The following PCDHA9 variants were observed in gnomAD, a reference collection of about 807,000 sequenced individuals.
PCDHA9 encodes the protein protocadherin alpha-9.
Under a neutral mutation model 62.0 loss-of-function variants are expected in PCDHA9, and 62 were observed. The observed-to-expected ratio is 1.00, with a 90% CI of 0.81 to 1.23. The LOEUF (loss-of-function observed/expected upper bound fraction) is 1.23, where lower values mean the gene tolerates loss of function less well. Ranked by LOEUF, PCDHA9 falls within the 50% of genes most tolerant of loss-of-function variation. The probability of loss-of-function intolerance (pLI) is 0.00; values close to 1 mark genes in which losing one functional copy is unlikely to be tolerated. For synonymous variants in PCDHA9, 557 were observed against 567.6 expected (o/e 0.98, Z 0.27); for missense variants, 1,205 against 1,249.8 (o/e 0.96, Z 0.54).
chr5:140,914,852 C>T (rs2076867528), intron 1 of PCDHA9, among the ~76,000 whole-genome samples: 1 of 151,838 alleles, frequency 6.6e-6, no homozygotes, highest in Non-Finnish European at 1.5e-5. Flanking sequence ...AAAAGGAAGA[C>T]TAATAAAAGT....
chr5:140,881,595 TTAATA>T (rs2058765091), intron 1 of PCDHA9, among the ~76,000 whole-genome samples: 1 of 152,250 alleles, frequency 6.6e-6, no homozygotes, highest in Non-Finnish European at 1.5e-5. Flanking sequence ...GGGAAATTTA[TTAATA>T]TGATGTGCTT....
At position 140,900,403 on chromosome 5, in the gene PCDHA9, A is replaced by G. The variant is rs569079456; in HGVS notation, c.2394+49514A>G. ...AGCGATTCTCCTGCCTCAGCCTCCC[A>G]AGTAGCTGGGATTATAGGCACGTGC... On this transcript the variant is annotated intron_variant, in intron 1 of 3. Coordinates refer to ENST00000532602, the MANE Select transcript of PCDHA9 (RefSeq NM_031857.2). 2.4e-3 allele frequency among the ~76,000 whole-genome samples: 360 copies of G among 152,066 alleles called. 1 individual carries two copies. Among genetic ancestry groups the G allele is most frequent in the African/African-American group, 8.1e-3 (336 of 41,500 alleles).
chr5:140,867,399 A>G (rs1001723593), intron 1 of PCDHA9: 2 of 152,166 alleles, frequency 1.3e-5, no homozygotes, highest in Non-Finnish European at 2.9e-5. Context: ...AAAAGTTGAT[A>G]TGTCTCCTTT....
intron 1 of PCDHA9, among the ~76,000 whole-genome samples, chr5:140,951,182 C>T (rs782338729): frequency 9.2e-5 from 14 of 151,876 alleles, no homozygotes; most frequent in East Asian, 1.9e-4. Context: ...AGTCATTGTC[C>T]GCTAATTCCC....
Position 140,982,684 on chromosome 5 carries a change from T to C in PCDHA9, c.2542+121T>C. Reference sequence around the variant, plus strand: ...TTTTATATTTTTGTTATTCCCTTTTTTCCATACATACATGATTTCCTTACA... The same window carrying C: ...TTTTATATTTTTGTTATTCCCTTTTCTCCATACATACATGATTTCCTTACA... On this transcript the variant is annotated intron_variant, in intron 3 of 3. Transcript: ENST00000532602. The C allele has an allele frequency of 2.8e-6, 4 of 1,425,176 alleles. No individual in the cohort carries two copies. In the South Asian group the frequency reaches 6.0e-5, roughly 21 times the overall value. 88.3% of individuals were successfully genotyped at this position (1,425,176 alleles called of 1,614,324 possible).
At chr5:140,890,576 A>T (rs1554184435) in intron 1 of PCDHA9, among the ~76,000 whole-genome samples, 2 of 151,634 alleles carry the variant, frequency 1.3e-5, no homozygotes, top group African/African-American at 4.8e-5. Flanking sequence ...TTCCTTCTGT[A>T]TTATTTGGAA....
intron 3 of PCDHA9, among the ~76,000 whole-genome samples, chr5:141,000,409 ATATATATATATATTT>A (rs2097918498): frequency 1.1e-5 from 1 of 94,040 alleles, no homozygotes; most frequent in East Asian, 3.1e-4. Flanking sequence ...ATATATATAT[ATATATATATATATTT>A]TTTTTTTTTT....
rs1041971288 is a variant in PCDHA9, at chr5:140,912,300, A to G, written c.2394+61411A>G. ...CCAGGAACAATACTTTGCCTCCTGT[A>G]ATCCAGTCAAGTTGACCCTCAGTAT... On this transcript the variant is annotated intron_variant, in intron 1 of 3. Coordinates refer to ENST00000532602, the MANE Select transcript of PCDHA9 (RefSeq NM_031857.2). Among the ~76,000 whole-genome samples, 5 of 152,070 alleles carry G rather than the reference A, an allele frequency of 3.3e-5. No homozygotes were observed. The East Asian group carries it at 9.7e-4, about 29-fold the overall frequency.
chr5:140,941,242 T>TC (rs1312617364), intron 1 of PCDHA9, among the ~76,000 whole-genome samples: 1 of 141,172 alleles, frequency 7.1e-6, no homozygotes, highest in East Asian at 2.0e-4. Flanking sequence ...TTTCTTTCTT[T>TC]CTTTCTTTCT....
chr5:140,899,019 G>A (rs2067099712), intron 1 of PCDHA9, among the ~76,000 whole-genome samples: 1 of 151,834 alleles, frequency 6.6e-6, no homozygotes, highest in African/African-American at 2.4e-5. Flanking sequence ...AAGAATGCTT[G>A]TGATTTTTGT....
chr5:140,927,731 T>G lies in PCDHA9; in HGVS notation c.2395-51218T>G, dbSNP rs781789205. 19 of 1,614,078 alleles carry G rather than the reference T, an allele frequency of 1.2e-5. No individual in the cohort carries two copies. The highest frequency in any genetic ancestry group is 1.4e-5 in the Non-Finnish European group (17 of 1,180,038). ...CTAAGCAACAGCACGCAAGCAGAGC[T>G]GCGACACCGCTTTCACGTGCACCCT... On this transcript the variant is annotated intron_variant, in intron 1 of 3. Transcript: ENST00000532602.
At chr5:140,913,993 G>A (rs2076550293) in intron 1 of PCDHA9, among the ~76,000 whole-genome samples, 2 of 152,040 alleles carry the variant, frequency 1.3e-5, no homozygotes, top group South Asian at 4.2e-4. Flanking sequence ...ATTGTGACTA[G>A]CATATGGTCT....
At chr5:141,004,331 C>G (rs1244942275) in intron 3 of PCDHA9, among the ~76,000 whole-genome samples, 1 of 152,210 alleles carries the variant, frequency 6.6e-6, no homozygotes, top group Non-Finnish European at 1.5e-5. Flanking sequence ...AGGTGAGGCA[C>G]AGTGGTCTGT....
chr5:140,966,816 G>A lies in PCDHA9; in HGVS notation c.2395-12133G>A, dbSNP rs1448171487. On this transcript the variant is annotated intron_variant, in intron 1 of 3. Transcript: ENST00000532602. ...GCGGCGACAGAGCATCCACGGCTCC[G>A]GCGGCCCATGCCCTGGCTGCTGCTA... 5.2e-6 allele frequency: 8 copies of A among 1,553,302 alleles called. No homozygotes were observed. The East Asian group carries it at 7.2e-5, about 14-fold the overall frequency.
chr5:140,927,037 G>T lies in PCDHA9; in HGVS notation c.2395-51912G>T, dbSNP rs782765718. On this transcript the variant is annotated intron_variant, in intron 1 of 3. Coordinates refer to ENST00000532602, the MANE Select transcript of PCDHA9 (RefSeq NM_031857.2). ...CGCGGACTTGAGGCTGCCAGCGGCC[G>T]CTATGTCCTCGCGGAACTTTCGCTT... The T allele has an allele frequency of 3.7e-6, 6 of 1,612,000 alleles. No homozygotes were observed. The Admixed American group carries it at 6.7e-5, about 18-fold the overall frequency.
chr5:140,873,464 T>C (rs904556302), intron 1 of PCDHA9, among the ~76,000 whole-genome samples: 1 of 152,214 alleles, frequency 6.6e-6, no homozygotes, highest in Non-Finnish European at 1.5e-5. Context: ...TTTTAGATAA[T>C]TCAAATTACT....
In PCDHA9 at chr5:140,851,512, GT is replaced by G. The variant is rs1354131042; in HGVS notation, c.2394+627del. On this transcript the variant is annotated intron_variant, in intron 1 of 3. Coordinates refer to ENST00000532602, the MANE Select transcript of PCDHA9 (RefSeq NM_031857.2). ...CTTCATTTCAACTTATATAAAATAT[GT>G]TTTAAAATGCCTGACAATGTAGATA... The G allele has an allele frequency of 1.0e-5, 9 of 903,444 alleles. 1 individual carries two copies. The highest frequency in any genetic ancestry group is 1.8e-5 in the African/African-American group (1 of 55,438). 56.0% of individuals were successfully genotyped at this position (903,444 alleles called of 1,614,324 possible). A position where few individuals can be genotyped will look rare whatever the true frequency, so the allele number is the denominator to read the frequency against.
intron 1 of PCDHA9, chr5:140,851,883 G>A (rs2042187282): frequency 3.1e-6 from 3 of 976,924 alleles, no homozygotes; most frequent in African/African-American, 1.8e-5. Flanking sequence ...CAGAAATCTG[G>A]ATATGAGATT....
intron 1 of PCDHA9, chr5:140,871,293 G>A (rs1206433527): frequency 6.2e-7 from 1 of 1,613,794 alleles, no homozygotes; most frequent in Non-Finnish European, 8.5e-7. Context: ...CTGAGGGCGC[G>A]TGCGCGCCGG....
Sources: gnomAD v4.1 joint callset for allele counts (sites outside exome capture counted in the v4.1 genomes callset) on GRCh38, gnomAD v4.1.1 for gene constraint, MANE v1.5 for transcripts, NCBI Gene and HGNC (gene_info 2026-07-23, HGNC 2026-07-21) for gene names.